Variants in ZGRF1 observed in about 807,000 individuals in gnomAD.
The protein encoded by ZGRF1 is zinc finger GRF-type containing 1.
In ZGRF1, 196 loss-of-function variants were observed where a neutral mutation model predicts 203.5. The ratio of observed to expected loss-of-function variants is 0.96; its 90% CI spans 0.86 to 1.08. The LOEUF is 1.08. Among genes scored for constraint, ZGRF1 ranks in the 50% least tolerant of loss-of-function variants. ZGRF1 has a pLI of 0.00. For synonymous variants in ZGRF1, 809 were observed against 841.3 expected, an observed-to-expected ratio of 0.96 and a Z score of 0.66; for missense variants, 2,326 against 2,416.3, an observed-to-expected ratio of 0.96 and a Z score of 0.78.
intron 4 of ZGRF1, among the ~76,000 whole-genome samples, chr4:112,623,003 T>C (rs1211081494): frequency 6.6e-6 from 1 of 152,150 alleles, no homozygotes; most frequent in Non-Finnish European, 1.5e-5. Flanking sequence ...GGCTTCAATG[T>C]CTGTTGTTCC....
rs1157900447 is a variant in ZGRF1, at chr4:112,548,475, G to C, written c.5347-95C>G. 4 of 904,612 alleles carry C rather than the reference G, an allele frequency of 4.4e-6. No individual in the cohort carries two copies. The East Asian group carries it at 1.1e-4, about 25-fold the overall frequency. 56.0% of individuals were successfully genotyped at this position (904,612 alleles called of 1,614,324 possible). ...AACTTGTAGGCTAAAATTAGAGAGT[G>C]AGCTAGTCCTAATTTAATTCCTAGC... On this transcript the variant is annotated intron_variant, in intron 22 of 27. Coordinates refer to ENST00000505019, the MANE Select transcript of ZGRF1 (RefSeq NM_018392.5).
At chr4:112,597,922 AAAG>A (rs59743088) in intron 10 of ZGRF1, among the ~76,000 whole-genome samples, 11,758 of 150,688 alleles carry the variant, frequency 0.078, 567 homozygotes, top group East Asian at 0.18. Context: ...AAAAAAAAAA[AAAG>A]AATAAAGCAG....
intron 1 of ZGRF1, among the ~76,000 whole-genome samples, chr4:112,635,661 G>T (rs931597843): frequency 6.7e-6 from 1 of 149,384 alleles, no homozygotes; most frequent in Admixed American, 6.7e-5. Flanking sequence ...ACAATTATAT[G>T]ATTATCGTGT....
chr4:112,581,796 T>C lies in ZGRF1; in HGVS notation c.4305A>G (p.Gly1435=), dbSNP rs367685748. 28 of 1,385,056 alleles carry C rather than the reference T, an allele frequency of 2.0e-5. No individual in the cohort carries two copies. Among genetic ancestry groups the C allele is most frequent in the Non-Finnish European group, 2.5e-5 (26 of 1,040,212 alleles). The allele number at this position is 1,385,056 out of a possible 1,614,324, so 85.8% of individuals were successfully genotyped here. A position where few individuals can be genotyped will look rare whatever the true frequency, so the allele number is the denominator to read the frequency against. Residue 1435 remains glycine, a synonymous_variant, in exon 16 of 28, where the codon GGA becomes GGG. Coordinates refer to ENST00000505019, the MANE Select transcript of ZGRF1 (RefSeq NM_018392.5). ...CATACTGTTTTCTCTGAAAATCAAA[T>C]CCTTTTCTGAAAAGGGAATAAAAAA... The part of the protein sequence containing the change: ...YEECQLLVRK[G]FDFQRKQYGK...
intron 16 of ZGRF1, among the ~76,000 whole-genome samples, chr4:112,570,409 T>G (rs910275251): frequency 6.6e-6 from 1 of 151,988 alleles, no homozygotes; most frequent in African/African-American, 2.4e-5. Context: ...GCCAACATGG[T>G]GAAAACCTGT....
At chr4:112,613,248 C>A (rs55877934) in intron 6 of ZGRF1, among the ~76,000 whole-genome samples, 1 of 151,904 alleles carries the variant, frequency 6.6e-6, no homozygotes, top group South Asian at 2.1e-4. Flanking sequence ...GAGCTAAGAT[C>A]GCACCACTGC....
chr4:112,586,433 C>A lies in ZGRF1; in HGVS notation c.3916+12G>T. On this transcript the variant is annotated intron_variant, in intron 13 of 27. Transcript: ENST00000505019. ...CAGCAATCATGATACAATAAAAACA[C>A]AACAGCCATACCTATGAGGCAAGAT... is the stretch of plus-strand genomic sequence containing the variant. 2 of 1,592,704 alleles carry A rather than the reference C, an allele frequency of 1.3e-6. No individual in the cohort carries two copies. Among genetic ancestry groups the A allele is most frequent in the Non-Finnish European group, 1.7e-6 (2 of 1,168,368 alleles).
Position 112,575,487 on chromosome 4 carries a change from A to C in ZGRF1, c.4438+6176T>G, listed in dbSNP as rs1317706484. Among the ~76,000 whole-genome samples the C allele has an allele frequency of 3.9e-5, 6 of 152,042 alleles. No homozygotes were observed. The South Asian group carries it at 1.0e-3, about 26-fold the overall frequency. On this transcript the variant is annotated intron_variant, in intron 16 of 27. Coordinates refer to ENST00000505019, the MANE Select transcript of ZGRF1 (RefSeq NM_018392.5). ...CCGAAGCAGGGTGAGGCATCGCCTCACCCGGGAAGTGCAAGGGGTCAGGGA... is the reference window on the plus strand; with the variant it reads ...CCGAAGCAGGGTGAGGCATCGCCTCCCCCGGGAAGTGCAAGGGGTCAGGGA...
Position 112,614,101 on chromosome 4 carries a change from T to A in ZGRF1, c.2603-1513A>T, listed in dbSNP as rs185579248. ...CTATATACAATTATCTCACAAAAAA[T>A]TTAGAGTTTTAACACTTTCGCACAT... On this transcript the variant is annotated intron_variant, in intron 6 of 27. Transcript: ENST00000505019. Among the ~76,000 whole-genome samples the A allele has an allele frequency of 2.5e-4, 38 of 152,294 alleles. No individual in the cohort carries two copies. In the East Asian group the frequency reaches 6.0e-3, roughly 24 times the overall value.
chr4:112,634,354 G>A (rs2047508756), intron 1 of ZGRF1, among the ~76,000 whole-genome samples: 1 of 152,294 alleles, frequency 6.6e-6, no homozygotes, highest in Middle Eastern at 3.4e-3. Context: ...GTCAAGGGAA[G>A]GCCAGTGAAG....
chr4:112,559,792 C>T (rs1478730544), intron 19 of ZGRF1, among the ~76,000 whole-genome samples: 1 of 152,118 alleles, frequency 6.6e-6, no homozygotes, highest in African/African-American at 2.4e-5. Context: ...ACAAATGATA[C>T]AGTCAGAACG....
In ZGRF1 at chr4:112,540,028, T is replaced by C; in HGVS notation, c.6007A>G (p.Ile2003Val). 4 of 1,612,348 alleles carry C rather than the reference T, an allele frequency of 2.5e-6. No homozygotes were observed. Among genetic ancestry groups the C allele is most frequent in the Middle Eastern group, 1.7e-4 (1 of 6,060 alleles). ...GTCCTTACACAGGACAGAATAATGA[T>C]CTCCTTTTCAGCTCCCTGAAAAGCA... is the stretch of plus-strand genomic sequence containing the variant. Reference protein sequence around the residue: ...VDAFQGAEKEIIILSCVRTRQ... With the variant: ...VDAFQGAEKEVIILSCVRTRQ... Residue 2003 changes from isoleucine to valine, a missense_variant, in exon 27 of 28, where the codon ATC becomes GTC. By Grantham distance (29) the Ile-to-Val change is conservative. Coordinates refer to ENST00000505019, the MANE Select transcript of ZGRF1 (RefSeq NM_018392.5).
intron 16 of ZGRF1, chr4:112,565,429 TCA>T: frequency 7.3e-5 from 27 of 368,348 alleles, no homozygotes; most frequent in South Asian, 1.7e-4. Context: ...CATTTCATTC[TCA>T]AAAAAAAAAA....
At chr4:112,597,186 C>T (rs540444567) in intron 10 of ZGRF1, among the ~76,000 whole-genome samples, 15 of 148,806 alleles carry the variant, frequency 1.0e-4, no homozygotes, top group Admixed American at 9.5e-4. Context: ...TGCACTCCAG[C>T]CTGGGTGACA....
At position 112,571,525 on chromosome 4, in the gene ZGRF1, T is replaced by G. The variant is rs543319306; in HGVS notation, c.4439-8251A>C. On this transcript the variant is annotated intron_variant, in intron 16 of 27. Transcript: ENST00000505019. ...CAAACAATTTTTAAATAAACAGAGA[T>G]ACAGCAAGTACATGGTATTAAATCT... Among the ~76,000 whole-genome samples the G allele has an allele frequency of 4.5e-4, 68 of 151,602 alleles. No individual in the cohort carries two copies. In the South Asian group the frequency reaches 0.014, roughly 31 times the overall value.
rs1741782557 is a variant in ZGRF1 at position 112,560,643 on chromosome 4, A to G, written c.4960+90T>C. 1.6e-5 allele frequency: 19 copies of G among 1,155,152 alleles called. No individual in the cohort carries two copies. In the South Asian group the frequency reaches 2.8e-4, roughly 17 times the overall value. The allele number at this position is 1,155,152 out of a possible 1,614,324, so 71.6% of individuals were successfully genotyped here. A position where few individuals can be genotyped will look rare whatever the true frequency, so the allele number is the denominator to read the frequency against. ...CTACTTAGAGTTATTCTTGAACCTC[A>G]TTTGACTAGGAAATTATAAAGGAGC... On this transcript the variant is annotated intron_variant, in intron 19 of 27. Coordinates refer to ENST00000505019, the MANE Select transcript of ZGRF1 (RefSeq NM_018392.5).
intron 6 of ZGRF1, among the ~76,000 whole-genome samples, 193 bp from the exon 7 acceptor site, chr4:112,612,781 T>C (rs1377680471): frequency 6.6e-6 from 1 of 152,206 alleles, no homozygotes; most frequent in Non-Finnish European, 1.5e-5. Flanking sequence ...AACATTTTTA[T>C]GATAAAAATT....
At chr4:112,553,632 G>A (rs1477695539) in intron 22 of ZGRF1, among the ~76,000 whole-genome samples, 1 of 152,308 alleles carries the variant, frequency 6.6e-6, no homozygotes, top group Middle Eastern at 3.4e-3. Flanking sequence ...ATCTATTCAC[G>A]AATTTGAAGA....
At chr4:112,629,961 G>A in intron 3 of ZGRF1, 1 of 326,808 alleles carries the variant, frequency 3.1e-6, no homozygotes, top group Non-Finnish European at 6.3e-6. Flanking sequence ...AGAGGTTGTA[G>A]TGAGCCAAGA....
Sources: allele counts gnomAD v4.1 joint callset (sites outside exome capture counted in the v4.1 genomes callset), GRCh38; gene constraint gnomAD v4.1.1; transcripts MANE v1.5; gene names NCBI Gene and HGNC (gene_info 2026-07-23, HGNC 2026-07-21).